The following ARHGEF18 variants were observed in gnomAD, a reference collection of about 807,000 sequenced individuals.
ARHGEF18 encodes the protein Rho/Rac guanine nucleotide exchange factor 18.
In ARHGEF18, 93 loss-of-function variants were observed where a neutral mutation model predicts 155.7. The ratio of observed to expected loss-of-function variants is 0.60; its 90% confidence interval spans 0.50 to 0.71. The LOEUF (loss-of-function observed/expected upper bound fraction) is 0.71. Ranked by LOEUF, ARHGEF18 falls within the 30% of genes least tolerant of loss-of-function variation. The pLI, the probability that ARHGEF18 is intolerant of heterozygous loss-of-function variation, is 0.00. For synonymous variants in ARHGEF18, 742 were observed against 753.1 expected (o/e 0.99, Z 0.24); for missense variants, 1,593 against 1,816.1 (o/e 0.88, Z 2.23).
rs1970561582 is a variant in ARHGEF18, at chr19:7,378,377, T to TG, written c.542-11dup. ...CTCCTGACAACTGTGCTTCCTGGGA[T>TG]GGGGGGCTTCTTCCAGGCCTGGAAC... is the stretch of plus-strand genomic sequence containing the variant. On this transcript the variant is annotated splice_polypyrimidine_tract_variant and intron_variant, in intron 5 of 28. Coordinates refer to ENST00000668164, the MANE Select transcript of ARHGEF18 (RefSeq NM_001367823.1). The TG allele has an allele frequency of 2.4e-6, 3 of 1,234,126 alleles. No individual in the cohort carries two copies. Among genetic ancestry groups the TG allele is most frequent in the South Asian group, 4.1e-5 (1 of 24,394 alleles). The allele number at this position is 1,234,126 out of a possible 1,614,324, so 76.4% of individuals were successfully genotyped here.
At chr19:7,354,285 C>T (rs1209957536) in intron 1 of ARHGEF18, among the ~76,000 whole-genome samples, 1 of 152,170 alleles carries the variant, frequency 6.6e-6, no homozygotes, top group African/African-American at 2.4e-5. Context: ...ACTACTCCAG[C>T]CTGGGTAACA....
In ARHGEF18 at chr19:7,360,205, G is replaced by T. The variant is rs545437203; in HGVS notation, c.-110-2576G>T. ...AAACATGCACAATCACACAACCCTGGCATTTCTTTTCTTTTCTTTTTTCAT... is the reference window on the plus strand; with the variant it reads ...AAACATGCACAATCACACAACCCTGTCATTTCTTTTCTTTTCTTTTTTCAT... On this transcript the variant is annotated intron_variant, in intron 1 of 28. Coordinates refer to ENST00000668164, the MANE Select transcript of ARHGEF18 (RefSeq NM_001367823.1). Among the ~76,000 whole-genome samples, 5 of 151,432 alleles carry T rather than the reference G, an allele frequency of 3.3e-5. No homozygotes were observed. In the South Asian group the frequency reaches 1.0e-3, roughly 32 times the overall value.
chr19:7,475,549 CA>C (rs545234448), downstream of ARHGEF18, among the ~76,000 whole-genome samples: 6 of 148,800 alleles, frequency 4.0e-5, no homozygotes, highest in African/African-American at 1.5e-4. Context: ...CACACAACCA[CA>C]CACACACACA....
At chr19:7,473,665 C>T (rs1379086251), downstream of ARHGEF18, among the ~76,000 whole-genome samples, 1 of 152,058 alleles carries the variant, frequency 6.6e-6, no homozygotes, top group African/African-American at 2.4e-5. Flanking sequence ...CAGAAATTAG[C>T]CGGGCGTGGT....
At chr19:7,372,446 T>C (rs1970248700) in intron 2 of ARHGEF18, among the ~76,000 whole-genome samples, 1 of 143,076 alleles carries the variant, frequency 7.0e-6, no homozygotes, top group Admixed American at 7.0e-5. Context: ...GACAAAGAAA[T>C]AGGAACAGGA....
intron 2 of ARHGEF18, among the ~76,000 whole-genome samples, chr19:7,367,540 A>G (rs1358950480): frequency 1.3e-5 from 2 of 151,868 alleles, no homozygotes; most frequent in Non-Finnish European, 2.9e-5. Flanking sequence ...TGAGGTCAGG[A>G]GTTCGAGACC....
Position 7,451,133 on chromosome 19 carries a change from G to T in ARHGEF18, c.1738-16G>T. On this transcript the variant is annotated splice_polypyrimidine_tract_variant and intron_variant, in intron 15 of 28. Transcript: ENST00000668164. Reference sequence around the variant, plus strand: ...TTCTGAGATGTTAATACAGGATCTTGCTTTCTGTTTCCTAGAAAATTGGCA... The same window carrying T: ...TTCTGAGATGTTAATACAGGATCTTTCTTTCTGTTTCCTAGAAAATTGGCA... The T allele has an allele frequency of 6.5e-7, 1 of 1,541,804 alleles. No homozygotes were observed. Among genetic ancestry groups the T allele is most frequent in the Non-Finnish European group, 8.7e-7 (1 of 1,147,532 alleles).
chr19:7,435,595 G>T (rs1374028013), intron 10 of ARHGEF18, among the ~76,000 whole-genome samples: 4 of 152,174 alleles, frequency 2.6e-5, no homozygotes, highest in Admixed American at 1.3e-4. Context: ...GCAACTGGGG[G>T]TCTGAGCTCT....
intron 20 of ARHGEF18, among the ~76,000 whole-genome samples, chr19:7,460,995 G>T (rs920358016): frequency 6.6e-6 from 1 of 151,876 alleles, no homozygotes; most frequent in Non-Finnish European, 1.5e-5. Context: ...CACCATGTTG[G>T]CCAGGATGGT....
In ARHGEF18 at chr19:7,440,680, G is replaced by C. The variant is rs2287907; in HGVS notation, c.1106+198G>C. On this transcript the variant is annotated intron_variant, in intron 11 of 28. Coordinates refer to ENST00000668164, the MANE Select transcript of ARHGEF18 (RefSeq NM_001367823.1). This position sits in a 1 kb window ranked among gnomAD's most constrained non-coding sequence, Gnocchi z 5.4. ...TTGCAAAAACGATGTGTCCCGGGGT[G>C]TATTCGGCCCCTGGTGGAGCCAGTT... is the stretch of plus-strand genomic sequence containing the variant. Among the ~76,000 whole-genome samples, 25,787 of 152,126 alleles carry C rather than the reference G, an allele frequency of 0.17. 2,765 individuals carry two copies. The highest frequency in any genetic ancestry group is 0.23 in the Non-Finnish European group (15,614 of 67,972).
At chr19:7,473,299 C>A (rs969467368), downstream of ARHGEF18, 1 of 456,100 alleles carries the variant, frequency 2.2e-6, no homozygotes, top group South Asian at 1.5e-5. Flanking sequence ...AACTCTCAGG[C>A]AGCACTGTCC....
intron 1 of ARHGEF18, 65 bp downstream of exon 1, chr19:7,349,306 G>A (rs1969102272): frequency 6.6e-6 from 1 of 152,408 alleles, no homozygotes; most frequent in African/African-American, 2.4e-5. Flanking sequence ...AGTGGGGTCT[G>A]GGAAGTCTAG....
At chr19:7,397,756 G>A (rs892706100) in intron 10 of ARHGEF18, among the ~76,000 whole-genome samples, 7 of 150,218 alleles carry the variant, frequency 4.7e-5, no homozygotes, top group Admixed American at 6.6e-5. Flanking sequence ...AATTTTTTTT[G>A]TGGGGTCTCG....
Position 7,404,951 on chromosome 19 carries a change from G to A in ARHGEF18, c.967+21748G>A, listed in dbSNP as rs565697488. 3.8e-4 allele frequency among the ~76,000 whole-genome samples: 57 copies of A among 148,460 alleles called. 1 individual carries two copies. The highest frequency in any genetic ancestry group is 2.6e-4 in the Admixed American group (4 of 15,178). ...CACCTTTATTGTGTGCGACAGACTC[G>A]GGTGCTTTATTTTTATTTTTATTTT... is the stretch of plus-strand genomic sequence containing the variant. On this transcript the variant is annotated intron_variant, in intron 10 of 28. Transcript: ENST00000668164.
intron 10 of ARHGEF18, chr19:7,439,651 T>G: frequency 8.7e-7 from 1 of 1,155,388 alleles, no homozygotes; most frequent in Non-Finnish European, 1.1e-6. Flanking sequence ...ACTTCGATGC[T>G]AGAATTCTGT....
chr19:7,433,366 C>T (rs1003864139), intron 10 of ARHGEF18, among the ~76,000 whole-genome samples: 2 of 151,780 alleles, frequency 1.3e-5, no homozygotes, highest in Non-Finnish European at 2.9e-5. Context: ...ACTCGGGAGG[C>T]TGAGGCAGGA....
chr19:7,438,933 C>T (rs1974445124), intron 10 of ARHGEF18, among the ~76,000 whole-genome samples: 1 of 151,742 alleles, frequency 6.6e-6, no homozygotes, highest in African/African-American at 2.4e-5. Context: ...AGTGCAGTGG[C>T]GCAATCTCCG....
intron 13 of ARHGEF18, among the ~76,000 whole-genome samples, chr19:7,443,213 C>G (rs12982630): frequency 7.6e-4 from 116 of 151,944 alleles, no homozygotes; most frequent in African/African-American, 2.8e-3. Flanking sequence ...CCCACTGCCA[C>G]GCCCAGCTAA....
At position 7,462,416 on chromosome 19, in the gene ARHGEF18, ATTGT is replaced by A. The variant is rs1600531402; in HGVS notation, c.2635+83_2635+86del. On this transcript the variant is annotated intron_variant, in intron 21 of 28. Transcript: ENST00000668164. This position sits in a 1 kb window ranked among gnomAD's most constrained non-coding sequence, Gnocchi z 4.4. ...GAACCCCAGGCCAGGCTCACGGCTC[ATTGT>A]GGCCGACACGGCACCCTGTCCAGGA... 7.7e-6 allele frequency: 11 copies of A among 1,423,070 alleles called. No homozygotes were observed. In the East Asian group the frequency reaches 2.7e-4, roughly 35 times the overall value. The allele number at this position is 1,423,070 out of a possible 1,614,324, so 88.2% of individuals were successfully genotyped here.
Sources: gnomAD v4.1 joint callset for allele counts (sites outside exome capture counted in the v4.1 genomes callset) on GRCh38, gnomAD v4.1.1 for gene constraint, Gnocchi (gnomAD v3.1) non-coding constraint, MANE v1.5 for transcripts, NCBI Gene and HGNC (gene_info 2026-07-23, HGNC 2026-07-21) for gene names.